The following ZNF616 variants were observed in gnomAD, a reference collection of about 807,000 sequenced individuals.
The protein encoded by ZNF616 is zinc finger protein 616.
A neutral mutation model predicts 7.6 loss-of-function variants in ZNF616; 5 were observed. That is an observed-to-expected ratio of 0.66 (90% CI 0.34 to 1.38). The LOEUF (loss-of-function observed/expected upper bound fraction) is 1.38. ZNF616 is among the 40% of genes most tolerant of loss of function. The pLI, the probability that ZNF616 is intolerant of heterozygous loss-of-function variation, is 0.04. For synonymous variants in ZNF616, 319 were observed against 317.2 expected, an observed-to-expected ratio of 1.01 and a Z score of -0.06; for missense variants, 913 against 948.3, an observed-to-expected ratio of 0.96 and a Z score of 0.49.
intron 1 of ZNF616, among the ~76,000 whole-genome samples, chr19:52,131,881 G>T (rs67861844): frequency 0.096 from 14,661 of 152,160 alleles, 892 homozygotes; most frequent in South Asian, 0.28. Flanking sequence ...ACCTGCAACT[G>T]AGGGGCCAGA....
intron 3 of ZNF616, 35 bp downstream of exon 3, chr19:52,123,888 G>T (rs1461024702): frequency 1.9e-6 from 3 of 1,612,834 alleles, no homozygotes; most frequent in Admixed American, 1.7e-5. Flanking sequence ...ATGCACAAGG[G>T]CGAATCTGAA....
At chr19:52,129,714 C>T (rs1278297302) in intron 2 of ZNF616, among the ~76,000 whole-genome samples, 1 of 152,064 alleles carries the variant, frequency 6.6e-6, no homozygotes, top group East Asian at 1.9e-4. Context: ...GAAATAGTGA[C>T]TCATTCATAC....
chr19:52,132,720 T>C (rs186399104), intron 1 of ZNF616, among the ~76,000 whole-genome samples: 141 of 152,300 alleles, frequency 9.3e-4, no homozygotes, highest in African/African-American at 2.3e-3. Flanking sequence ...AAGCAGATGT[T>C]GCCATGCTTC....
At chr19:52,130,911 G>A (rs985527890) in intron 1 of ZNF616, among the ~76,000 whole-genome samples, 2 of 152,236 alleles carry the variant, frequency 1.3e-5, no homozygotes, top group Admixed American at 1.3e-4. Context: ...TGGGTCACAG[G>A]CTGAGCTCTG....
At chr19:52,135,698 C>CCA (rs145838904) in intron 1 of ZNF616, among the ~76,000 whole-genome samples, 22,819 of 152,014 alleles carry the variant, frequency 0.15, 2,011 homozygotes, top group South Asian at 0.3. Flanking sequence ...TTGTGTGGCT[C>CCA]CTTTCAATAA....
At chr19:52,128,161 C>T in intron 2 of ZNF616, among the ~76,000 whole-genome samples, 1 of 144,542 alleles carries the variant, frequency 6.9e-6, no homozygotes, top group East Asian at 2.0e-4. Context: ...ACCAACGACA[C>T]ATATTGGGTG....
At position 52,113,247 on chromosome 19, in the gene ZNF616, AG is replaced by A. The variant is rs2068706875; in HGVS notation, c.*1570del. ...TGGAGAAGCAGATTTGGTTATCCCT[AG>A]TATGATTTCAAAGATGTGTAGTCTG... is the stretch of plus-strand genomic sequence containing the variant. On this transcript the variant is annotated 3_prime_UTR_variant, in exon 4 of 4. Transcript: ENST00000600228. 6.6e-6 allele frequency: 1 copy of A among 152,222 alleles called. No individual in the cohort carries two copies. The highest frequency in any genetic ancestry group is 6.5e-5 in the Admixed American group (1 of 15,280). The allele number at this position is 152,222 out of a possible 1,614,324, so 9.4% of individuals were successfully genotyped here. A position where few individuals can be genotyped will look rare whatever the true frequency, so the allele number is the denominator to read the frequency against.
intron 3 of ZNF616, 34 bp downstream of exon 3, chr19:52,123,889 C>A: frequency 6.2e-7 from 1 of 1,612,790 alleles, no homozygotes; most frequent in East Asian, 2.2e-5. Context: ...TGCACAAGGG[C>A]GAATCTGAAC....
chr19:52,123,616 A>G (rs1458273982), intron 3 of ZNF616, among the ~76,000 whole-genome samples: 2 of 152,188 alleles, frequency 1.3e-5, no homozygotes, highest in Non-Finnish European at 2.9e-5. Context: ...TGGGCAACAG[A>G]GCAAGAACCT....
rs117297010 is a variant in ZNF616, at chr19:52,134,099, G to A, written c.-76-3511C>T. ...GGCCGTTGTTTTGTACGAGCCTCCC[G>A]CACTACCAGACCAAGCCAGAATGAA... On this transcript the variant is annotated intron_variant, in intron 1 of 3. Transcript: ENST00000600228. Among the ~76,000 whole-genome samples, 403 of 152,156 alleles carry A rather than the reference G, an allele frequency of 2.6e-3. 3 individuals carry two copies. Among genetic ancestry groups the A allele is most frequent in the South Asian group, 6.6e-3 (32 of 4,822 alleles).
At chr19:52,123,863 A>C in intron 3 of ZNF616, 60 bp downstream of exon 3, 1 of 1,607,264 alleles carries the variant, frequency 6.2e-7, no homozygotes, top group Admixed American at 1.7e-5. Flanking sequence ...GAAAGACAAC[A>C]GAGGAAATAC....
At chr19:52,121,353 T>C (rs1259719875) in intron 3 of ZNF616, among the ~76,000 whole-genome samples, 1 of 152,046 alleles carries the variant, frequency 6.6e-6, no homozygotes, top group African/African-American at 2.4e-5. Context: ...AAAATAAAAC[T>C]AGAGATCAAC....
chr19:52,131,477 T>A (rs2088960055), intron 1 of ZNF616, among the ~76,000 whole-genome samples: 1 of 152,068 alleles, frequency 6.6e-6, no homozygotes, highest in Admixed American at 6.6e-5. Flanking sequence ...GACCTCCCCT[T>A]GGGGCCTTGC....
At chr19:52,131,931 GC>G (rs2088963706) in intron 1 of ZNF616, among the ~76,000 whole-genome samples, 1 of 152,092 alleles carries the variant, frequency 6.6e-6, no homozygotes, top group Admixed American at 6.6e-5. Flanking sequence ...GACACCCTCG[GC>G]TCCAGGAATA....
At chr19:52,133,577 G>A (rs1349873181) in intron 1 of ZNF616, among the ~76,000 whole-genome samples, 1 of 152,104 alleles carries the variant, frequency 6.6e-6, no homozygotes, top group Non-Finnish European at 1.5e-5. Flanking sequence ...GGAGTGCAAT[G>A]GCACGATCTC....
intron 3 of ZNF616, 25 bp from the exon 4 acceptor site, chr19:52,117,049 T>G (rs982910050): frequency 5.9e-6 from 9 of 1,523,722 alleles, no homozygotes; most frequent in Non-Finnish European, 7.9e-6. Flanking sequence ...GAACATGAGT[T>G]TTTTTTTAAA....
At chr19:52,118,465 T>C (rs74713003) in intron 3 of ZNF616, among the ~76,000 whole-genome samples, 3,553 of 152,304 alleles carry the variant, frequency 0.023, 131 homozygotes, top group African/African-American at 0.081. Flanking sequence ...CTCAATGTGA[T>C]AGTATTTGGA....
At chr19:52,136,679 G>A (rs1308374778) in intron 1 of ZNF616, among the ~76,000 whole-genome samples, 1 of 152,136 alleles carries the variant, frequency 6.6e-6, no homozygotes, top group African/African-American at 2.4e-5. Flanking sequence ...CACTATGGAT[G>A]TTCTTCAAAA....
chr19:52,134,267 A>T (rs1388375763), intron 1 of ZNF616, among the ~76,000 whole-genome samples: 1 of 152,268 alleles, frequency 6.6e-6, no homozygotes, highest in Non-Finnish European at 1.5e-5. Context: ...ACGACATCGT[A>T]ACAAGGTTTG....
Sources: allele counts gnomAD v4.1 joint callset (sites outside exome capture counted in the v4.1 genomes callset), GRCh38; gene constraint gnomAD v4.1.1; transcripts MANE v1.5; gene names NCBI Gene and HGNC (gene_info 2026-07-23, HGNC 2026-07-21).